PTPRT: variants seen among roughly 807,000 people sequenced by gnomAD.
PTPRT encodes the protein receptor-type tyrosine-protein phosphatase T.
Under a neutral mutation model 176.8 loss-of-function variants are expected in PTPRT, and 56 were observed. The observed-to-expected ratio is 0.32, with a 90% CI of 0.26 to 0.40. The LOEUF is 0.40. Among genes scored for constraint, PTPRT ranks in the 10% least tolerant of loss-of-function variants. The pLI, the probability that PTPRT is intolerant of heterozygous loss-of-function variation, is 1.00. For synonymous variants in PTPRT, 783 were observed against 739.0 expected, an observed-to-expected ratio of 1.06 and a Z score of -0.96; for missense variants, 1,540 against 1,908.2, an observed-to-expected ratio of 0.81 and a Z score of 3.60.
At chr20:43,059,229 GTTCT>G (rs1178865968) in intron 1 of PTPRT, among the ~76,000 whole-genome samples, 1 of 152,098 alleles carries the variant, frequency 6.6e-6, no homozygotes, top group Non-Finnish European at 1.5e-5. Context: ...TAGCCTTAAT[GTTCT>G]TTTTTTCAAT....
At chr20:42,877,852 TA>T (rs2078959793) in intron 2 of PTPRT, among the ~76,000 whole-genome samples, 1 of 152,134 alleles carries the variant, frequency 6.6e-6, no homozygotes, top group African/African-American at 2.4e-5. Context: ...CTATTCTTGC[TA>T]AAGCCCAGGG....
chr20:42,440,607 A>G (rs1387691750), intron 9 of PTPRT, among the ~76,000 whole-genome samples: 1 of 151,520 alleles, frequency 6.6e-6, no homozygotes, highest in Admixed American at 6.6e-5. Context: ...CCTCCCGAGT[A>G]GCTGGGACTA....
intron 7 of PTPRT, among the ~76,000 whole-genome samples, chr20:42,526,016 T>G (rs568868636): frequency 1.5e-5 from 2 of 137,620 alleles, no homozygotes; most frequent in African/African-American, 2.9e-5. Flanking sequence ...TGGAGAGTGT[T>G]TTTTTTTTTA....
intron 9 of PTPRT, among the ~76,000 whole-genome samples, chr20:42,413,842 C>T (rs1028357043): frequency 9.2e-5 from 14 of 152,180 alleles, no homozygotes; most frequent in African/African-American, 2.2e-4. Flanking sequence ...TCACTCTCCA[C>T]GAGAGTAGAG....
chr20:42,127,291 C>G (rs1327197839), intron 19 of PTPRT, among the ~76,000 whole-genome samples: 2 of 152,176 alleles, frequency 1.3e-5, no homozygotes, highest in African/African-American at 4.8e-5. Flanking sequence ...GAGCCACAGA[C>G]AGGGTACAGC....
At chr20:42,551,019 A>G (rs2072760794) in intron 7 of PTPRT, among the ~76,000 whole-genome samples, 1 of 152,086 alleles carries the variant, frequency 6.6e-6, no homozygotes, top group African/African-American at 2.4e-5. Flanking sequence ...TAACCTCTCT[A>G]TGCTTCAGGG....
chr20:42,487,049 A>T (rs1045176259), intron 7 of PTPRT, among the ~76,000 whole-genome samples: 4 of 151,902 alleles, frequency 2.6e-5, no homozygotes, highest in African/African-American at 9.7e-5. Context: ...ACCGGCCAAC[A>T]CTCCTTCACA....
chr20:42,848,128 C>T (rs2078407905), intron 2 of PTPRT, among the ~76,000 whole-genome samples: 1 of 152,172 alleles, frequency 6.6e-6, no homozygotes, highest in Non-Finnish European at 1.5e-5. Flanking sequence ...TAATGGTCTC[C>T]AATTCCATCT....
At chr20:42,626,624 G>A (rs372082383) in intron 7 of PTPRT, among the ~76,000 whole-genome samples, 2 of 152,100 alleles carry the variant, frequency 1.3e-5, no homozygotes, top group Admixed American at 6.6e-5. Flanking sequence ...CTCTTTAGTT[G>A]CAAGATTCCA....
At chr20:42,260,034 A>G (rs1007498606) in intron 13 of PTPRT, among the ~76,000 whole-genome samples, 5 of 152,230 alleles carry the variant, frequency 3.3e-5, no homozygotes, top group Admixed American at 1.3e-4. Context: ...GAAGGTAATT[A>G]GACAACACTA....
intron 6 of PTPRT, among the ~76,000 whole-genome samples, chr20:42,698,809 C>G (rs1000448878): frequency 6.6e-6 from 1 of 152,102 alleles, no homozygotes. Context: ...TTATGCATCT[C>G]TGTGTGTCTA....
intron 9 of PTPRT, among the ~76,000 whole-genome samples, chr20:42,421,547 G>GGT (rs1398348235): frequency 4.0e-5 from 6 of 151,640 alleles, no homozygotes; most frequent in African/African-American, 9.7e-5. Flanking sequence ...GGGCTGACAG[G>GGT]GTGTGTGTGT....
intron 5 of PTPRT, 82 bp from the exon 6 acceptor site, chr20:42,756,718 A>G: frequency 8.1e-7 from 1 of 1,229,812 alleles, no homozygotes; most frequent in Non-Finnish European, 1.1e-6. Flanking sequence ...ATATCCACCC[A>G]TCCTCACACC....
At chr20:42,670,858 A>G (rs1314923849) in intron 7 of PTPRT, among the ~76,000 whole-genome samples, 7 of 152,294 alleles carry the variant, frequency 4.6e-5, no homozygotes, top group Non-Finnish European at 8.8e-5. Flanking sequence ...AAAGAAAGCA[A>G]TGTCTGGGGA....
At chr20:42,576,603 T>C (rs964631453) in intron 7 of PTPRT, among the ~76,000 whole-genome samples, 1 of 152,288 alleles carries the variant, frequency 6.6e-6, no homozygotes, top group Non-Finnish European at 1.5e-5. Flanking sequence ...CCCAGAGTTC[T>C]CTGGAACTTG....
At chr20:42,680,773 G>A (rs551816434) in intron 6 of PTPRT, among the ~76,000 whole-genome samples, 1 of 152,300 alleles carries the variant, frequency 6.6e-6, no homozygotes, top group South Asian at 2.1e-4. Flanking sequence ...AGAAAATAAA[G>A]TATTAAATCT....
the PTPRT span, among the ~76,000 whole-genome samples, chr20:42,037,412 C>T: frequency 2.0e-5 from 3 of 152,282 alleles, no homozygotes; most frequent in South Asian, 4.1e-4. Context: ...GACCCTATAA[C>T]ACTTTCACCT....
intron 9 of PTPRT, among the ~76,000 whole-genome samples, chr20:42,355,632 G>A (rs898549584): frequency 1.3e-5 from 2 of 152,202 alleles, no homozygotes; most frequent in African/African-American, 4.8e-5. Flanking sequence ...TTTTCAGCAT[G>A]CAGGTGGATT....
chr20:42,342,326 G>T (rs772865133), intron 11 of PTPRT, among the ~76,000 whole-genome samples: 4 of 152,162 alleles, frequency 2.6e-5, no homozygotes, highest in Non-Finnish European at 5.9e-5. Context: ...CCAATCTGGT[G>T]TGATGAAGTC....
Sources: allele counts gnomAD v4.1 joint callset (sites outside exome capture counted in the v4.1 genomes callset), GRCh38; gene constraint gnomAD v4.1.1; transcripts MANE v1.5; gene names NCBI Gene and HGNC (gene_info 2026-07-23, HGNC 2026-07-21).